Variants in DDX4 observed in about 807,000 individuals in gnomAD.
DDX4 encodes the protein probable ATP-dependent RNA helicase DDX4.
Under a neutral mutation model 100.0 loss-of-function variants are expected in DDX4, and 25 were observed. The observed-to-expected ratio is 0.25, with a 90% CI of 0.18 to 0.35. DDX4 has a LOEUF of 0.35. DDX4 is among the 10% of genes least tolerant of loss of function. DDX4 has a pLI of 1.00. For synonymous variants in DDX4, 259 were observed against 275.7 expected (o/e 0.94, Z 0.60); for missense variants, 635 against 882.4 (o/e 0.72, Z 3.55).
At chr5:55,792,121 C>T (rs7716106) in intron 16 of DDX4, among the ~76,000 whole-genome samples, 22 of 80,822 alleles carry the variant, frequency 2.7e-4, no homozygotes, top group African/African-American at 8.9e-4. Context: ...AAGACTCCTT[C>T]TCAAAAAAAA....
intron 18 of DDX4, among the ~76,000 whole-genome samples, chr5:55,799,377 A>G (rs879814589): frequency 2.0e-5 from 3 of 151,924 alleles, no homozygotes; most frequent in Non-Finnish European, 4.4e-5. Context: ...TTTACTTTTT[A>G]TTATTTTTAA....
At chr5:55,804,817 G>C (rs1743586814) in intron 18 of DDX4, among the ~76,000 whole-genome samples, 2 of 152,084 alleles carry the variant, frequency 1.3e-5, no homozygotes, top group Non-Finnish European at 2.9e-5. Context: ...CTCTTTTTTG[G>C]TTCCATATGA....
At chr5:55,812,266 A>C (rs189012426) in intron 18 of DDX4, among the ~76,000 whole-genome samples, 3 of 152,192 alleles carry the variant, frequency 2.0e-5, no homozygotes, top group African/African-American at 7.2e-5. Flanking sequence ...TTAATGTGTT[A>C]ATACTTCCGT....
intron 7 of DDX4, among the ~76,000 whole-genome samples, chr5:55,777,784 T>A (rs1339951122): frequency 6.6e-6 from 1 of 152,086 alleles, no homozygotes; most frequent in Non-Finnish European, 1.5e-5. Flanking sequence ...AACTCAAAGC[T>A]GAATAGAAAT....
rs143222951 is a variant in DDX4 at position 55,796,222 on chromosome 5, C to G, written c.1470-2204C>G. 1.9e-3 allele frequency among the ~76,000 whole-genome samples: 285 copies of G among 152,308 alleles called. 4 individuals carry two copies. Among genetic ancestry groups the G allele is most frequent in the African/African-American group, 6.3e-3 (261 of 41,568 alleles). On this transcript the variant is annotated intron_variant, in intron 17 of 21. Coordinates refer to ENST00000505374, the MANE Select transcript of DDX4 (RefSeq NM_024415.3). ...GGTGGGCCTTCTTCTCCCAGTCTAC[C>G]AACTGAAATGTCAGTCTCCTCTGGT... is the stretch of plus-strand genomic sequence containing the variant.
intron 6 of DDX4, chr5:55,767,017 A>G (rs1740967566): frequency 6.7e-7 from 1 of 1,495,252 alleles, no homozygotes; most frequent in East Asian, 2.5e-5. Flanking sequence ...TACTATTTTA[A>G]AACTCTGGGA....
chr5:55,749,147 G>T (rs535975501), intron 3 of DDX4, among the ~76,000 whole-genome samples: 2 of 152,348 alleles, frequency 1.3e-5, no homozygotes, highest in East Asian at 3.9e-4. Context: ...GGAGGCAGGT[G>T]TAGTGGCTTA....
At chr5:55,811,897 C>G (rs987593486) in intron 18 of DDX4, among the ~76,000 whole-genome samples, 2 of 152,134 alleles carry the variant, frequency 1.3e-5, no homozygotes, top group African/African-American at 4.8e-5. Flanking sequence ...AGGAATAATA[C>G]TAGCTTATTT....
chr5:55,793,399 A>T (rs1742719008), intron 17 of DDX4, among the ~76,000 whole-genome samples: 1 of 152,038 alleles, frequency 6.6e-6, no homozygotes, highest in South Asian at 2.1e-4. Flanking sequence ...AGATTTTATG[A>T]TTTTTTTACT....
At chr5:55,746,960 T>G (rs1369485951) in intron 3 of DDX4, among the ~76,000 whole-genome samples, 1 of 152,224 alleles carries the variant, frequency 6.6e-6, no homozygotes, top group Non-Finnish European at 1.5e-5. Flanking sequence ...TTGACCGGAC[T>G]CTGGCTCATG....
At chr5:55,786,033 T>TGAC (rs1742225242) in intron 13 of DDX4, among the ~76,000 whole-genome samples, 162 bp downstream of exon 13, 1 of 152,224 alleles carries the variant, frequency 6.6e-6, no homozygotes, top group Middle Eastern at 3.2e-3. Context: ...ATAATAGAAT[T>TGAC]AATTGCTATG....
chr5:55,764,324 G>C (rs1388395141), intron 6 of DDX4, among the ~76,000 whole-genome samples: 1 of 152,020 alleles, frequency 6.6e-6, no homozygotes, highest in Non-Finnish European at 1.5e-5. Context: ...AGAAAATGGG[G>C]ATAGATAATA....
chr5:55,770,888 G>C (rs2111887008), intron 7 of DDX4, among the ~76,000 whole-genome samples: 1 of 152,144 alleles, frequency 6.6e-6, no homozygotes, highest in South Asian at 2.1e-4. Flanking sequence ...TTTTTCTTCA[G>C]ACCAGTGAAT....
chr5:55,750,282 T>A (rs1343057699), intron 3 of DDX4: 1 of 155,916 alleles, frequency 6.4e-6, no homozygotes, highest in African/African-American at 2.4e-5. Context: ...TGTCCACAGG[T>A]GTTTTCTCCT....
chr5:55,788,079 T>A, intron 15 of DDX4, 79 bp downstream of exon 15: 1 of 1,258,416 alleles, frequency 7.9e-7, no homozygotes, highest in Non-Finnish European at 1.1e-6. Flanking sequence ...AAGAACTCAG[T>A]AATAATGCAC....
Position 55,782,039 on chromosome 5 carries a change from T to C in DDX4, c.625+58T>C, listed in dbSNP as rs1741945597. The C allele has an allele frequency of 6.3e-6, 10 of 1,589,800 alleles. No homozygotes were observed. In the South Asian group the frequency reaches 1.1e-4, roughly 18 times the overall value. ...TAAAATCATTGTATTCCAAATTTAA[T>C]TTTTTTCTGTACTTCACTGGTTGGA... On this transcript the variant is annotated intron_variant, in intron 10 of 21. Coordinates refer to ENST00000505374, the MANE Select transcript of DDX4 (RefSeq NM_024415.3).
In DDX4 at chr5:55,794,046, T is replaced by C. The variant is rs1454764739; in HGVS notation, c.1469+1239T>C. ...ATTTATTTTTTATATGGTAAATCTT[T>C]GTGTAAAGTTAGGAAGAGTTCTTTA... On this transcript the variant is annotated intron_variant, in intron 17 of 21. Transcript: ENST00000505374. Among the ~76,000 whole-genome samples, 6 of 152,196 alleles carry C rather than the reference T, an allele frequency of 3.9e-5. No homozygotes were observed. In the East Asian group the frequency reaches 9.6e-4, roughly 24 times the overall value.
rs140399596 is a variant in DDX4 at position 55,738,934 on chromosome 5, T to G, written c.-14-16T>G. ...TAATTGAGTCCAAATGTGCATTTTT[T>G]TTTTTTTATGAATAGAACTTGAAGC... is the stretch of plus-strand genomic sequence containing the variant. On this transcript the variant is annotated splice_polypyrimidine_tract_variant and intron_variant, in intron 1 of 21. Coordinates refer to ENST00000505374, the MANE Select transcript of DDX4 (RefSeq NM_024415.3). The G allele has an allele frequency of 4.2e-4, 599 of 1,425,628 alleles. 1 individual carries two copies. The African/African-American group carries it at 7.2e-3, about 17-fold the overall frequency. 88.3% of individuals were successfully genotyped at this position (1,425,628 alleles called of 1,614,324 possible). A position where few individuals can be genotyped will look rare whatever the true frequency, so the allele number is the denominator to read the frequency against.
chr5:55,761,851 C>T (rs1272765835), intron 4 of DDX4, among the ~76,000 whole-genome samples: 1 of 152,078 alleles, frequency 6.6e-6, no homozygotes, highest in Non-Finnish European at 1.5e-5. Context: ...CTCAGGTGAT[C>T]CACCTGCCTC....
Sources: allele counts gnomAD v4.1 joint callset (sites outside exome capture counted in the v4.1 genomes callset), GRCh38; gene constraint gnomAD v4.1.1; transcripts MANE v1.5; gene names NCBI Gene and HGNC (gene_info 2026-07-23, HGNC 2026-07-21).